The following PSD3 variants were observed in gnomAD, a reference collection of about 807,000 sequenced individuals.
The protein encoded by PSD3 is pleckstrin and Sec7 domain containing 3, also known as PH and SEC7 domain-containing protein 3.
A neutral mutation model predicts 105.5 loss-of-function variants in PSD3; 49 were observed. The ratio of observed to expected loss-of-function variants is 0.46; its 90% CI spans 0.37 to 0.59. The LOEUF (loss-of-function observed/expected upper bound fraction) is 0.59. Among genes scored for constraint, PSD3 ranks in the 20% least tolerant of loss-of-function variants. The probability of loss-of-function intolerance (pLI) is 0.00; values close to 1 mark genes in which losing one functional copy is unlikely to be tolerated. For synonymous variants in PSD3, 557 were observed against 457.8 expected (o/e 1.22, Z -2.77); for missense variants, 1,561 against 1,263.8 (o/e 1.24, Z -3.57).
chr8:18,572,496 TC>T (rs1563334726), intron 14 of PSD3, 31 bp downstream of exon 14: 1 of 1,596,924 alleles, frequency 6.3e-7, no homozygotes, highest in Admixed American at 1.7e-5. Context: ...AAGTACTTTT[TC>T]CCAAGGTCAA....
intron 1 of PSD3, among the ~76,000 whole-genome samples, chr8:18,939,156 G>A (rs1400799559): frequency 2.0e-5 from 3 of 152,176 alleles, no homozygotes; most frequent in African/African-American, 7.2e-5. Context: ...CTTTAAGGCC[G>A]AGAACTGTTC....
intron 9 of PSD3, among the ~76,000 whole-genome samples, chr8:18,710,059 T>A (rs535437686): frequency 6.6e-6 from 1 of 152,086 alleles, no homozygotes; most frequent in African/African-American, 2.4e-5. Context: ...GCTAAAGGAG[T>A]GGGTTCTAAC....
chr8:18,974,576 A>G lies in PSD3; in HGVS notation c.22-38434T>C, dbSNP rs373074608. Among the ~76,000 whole-genome samples the G allele has an allele frequency of 6.6e-5, 10 of 152,250 alleles. No homozygotes were observed. The East Asian group carries it at 1.4e-3, about 21-fold the overall frequency. On this transcript the variant is annotated intron_variant, in intron 1 of 15. Transcript: ENST00000327040. ...ACTACGCGCTAGTCCCAGGGAACAC[A>G]CAGAGCAACAAGCAAAAGGAAACCC... is the stretch of plus-strand genomic sequence containing the variant.
intron 3 of PSD3, among the ~76,000 whole-genome samples, chr8:18,870,477 CA>C (rs1336086027): frequency 6.6e-6 from 1 of 151,934 alleles, no homozygotes; most frequent in Non-Finnish European, 1.5e-5. Context: ...AGGAGTTAAA[CA>C]ATGAGAACAT....
chr8:19,004,752 G>T (rs1826570961), intron 1 of PSD3, among the ~76,000 whole-genome samples: 1 of 152,026 alleles, frequency 6.6e-6, no homozygotes, highest in Non-Finnish European at 1.5e-5. Flanking sequence ...GAGGAAGCCG[G>T]TGGAAGGTAA....
At chr8:19,043,116 A>C (rs1487357353) in intron 1 of PSD3, among the ~76,000 whole-genome samples, 1 of 152,190 alleles carries the variant, frequency 6.6e-6, no homozygotes, top group East Asian at 1.9e-4. Context: ...TCCTGTAAAG[A>C]CCCAAGACTT....
intron 8 of PSD3, among the ~76,000 whole-genome samples, chr8:18,788,304 C>T (rs571383090): frequency 6.6e-6 from 1 of 152,254 alleles, no homozygotes; most frequent in African/African-American, 2.4e-5. Context: ...ATAACGAGAG[C>T]AAAGGGGAAA....
chr8:19,027,519 G>A (rs1366891571), intron 1 of PSD3, among the ~76,000 whole-genome samples: 1 of 152,206 alleles, frequency 6.6e-6, no homozygotes, highest in African/African-American at 2.4e-5. Flanking sequence ...GTATAGAGCT[G>A]TGTAAGTTCC....
chr8:18,775,795 G>A (rs335225), intron 8 of PSD3, among the ~76,000 whole-genome samples: 6,843 of 152,176 alleles, frequency 0.045, 171 homozygotes, highest in Middle Eastern at 0.065. Flanking sequence ...TCACTTTGTT[G>A]ATTATTTCCT....
intron 1 of PSD3, among the ~76,000 whole-genome samples, chr8:18,946,075 A>T (rs1822837686): frequency 6.6e-6 from 1 of 152,244 alleles, no homozygotes; most frequent in Admixed American, 6.5e-5. Context: ...CACAAGACTA[A>T]CATGTAACTT....
chr8:19,016,127 T>C (rs1827171620), upstream of PSD3, among the ~76,000 whole-genome samples: 2 of 152,220 alleles, frequency 1.3e-5, no homozygotes, highest in African/African-American at 2.4e-5. Flanking sequence ...TTTGGAAATA[T>C]TAAAAATGAA....
At chr8:18,865,417 T>C (rs887567487) in intron 4 of PSD3, among the ~76,000 whole-genome samples, 6 of 150,242 alleles carry the variant, frequency 4.0e-5, no homozygotes, top group African/African-American at 1.2e-4. Flanking sequence ...GCAAGGAAGG[T>C]AGAAGGGAGT....
chr8:18,623,444 TCCC>T (rs1356448821), intron 11 of PSD3, among the ~76,000 whole-genome samples: 1 of 41,146 alleles, frequency 2.4e-5, no homozygotes, highest in Admixed American at 3.9e-4. Context: ...AGCCCCCGTC[TCCC>T]CAAAAAAAAA....
At chr8:18,575,324 G>C (rs376012412) in intron 12 of PSD3, 39 bp from the exon 13 acceptor site, 3 of 1,496,614 alleles carry the variant, frequency 2.0e-6, no homozygotes, top group Non-Finnish European at 2.7e-6. Flanking sequence ...CAAAAATCAC[G>C]ATCAGATTTC....
chr8:19,080,631 T>G (rs1038279024), intron 1 of PSD3, among the ~76,000 whole-genome samples: 1 of 152,196 alleles, frequency 6.6e-6, no homozygotes, highest in Non-Finnish European at 1.5e-5. Context: ...TCCTTGCCTG[T>G]CATGCTCATT....
intron 9 of PSD3, among the ~76,000 whole-genome samples, chr8:18,746,489 C>T (rs568161730): frequency 6.6e-6 from 1 of 152,300 alleles, no homozygotes; most frequent in Non-Finnish European, 1.5e-5. Flanking sequence ...CTGGGGCACA[C>T]CAGCGTGGCC....
At chr8:18,617,590 A>G (rs781429700) in intron 11 of PSD3, among the ~76,000 whole-genome samples, 1 of 152,144 alleles carries the variant, frequency 6.6e-6, no homozygotes, top group Non-Finnish European at 1.5e-5. Context: ...CCCATAATAA[A>G]ATTCTAAGCT....
chr8:18,659,106 G>T (rs1043566079), intron 9 of PSD3, among the ~76,000 whole-genome samples: 1 of 152,176 alleles, frequency 6.6e-6, no homozygotes, highest in Admixed American at 6.5e-5. Flanking sequence ...TGAAGCCAAG[G>T]GGACTAGGGG....
chr8:18,868,207 A>G, intron 3 of PSD3, 138 bp from the exon 4 acceptor site: 3 of 1,033,660 alleles, frequency 2.9e-6, no homozygotes, highest in Non-Finnish European at 4.1e-6. Flanking sequence ...ATATTTGGGA[A>G]GGAAGCTATG....
Sources: gnomAD v4.1 joint callset for allele counts (sites outside exome capture counted in the v4.1 genomes callset) on GRCh38, gnomAD v4.1.1 for gene constraint, MANE v1.5 for transcripts, NCBI Gene and HGNC (gene_info 2026-07-23, HGNC 2026-07-21) for gene names.